ACACA: variants seen among roughly 807,000 people sequenced by gnomAD.
The protein encoded by ACACA is acetyl-CoA carboxylase 1.
ACACA carries 103 observed loss-of-function variants against 296.1 expected under a neutral mutation model. The observed-to-expected ratio is 0.35, with a 90% CI of 0.30 to 0.41. The LOEUF is 0.41. Among genes scored for constraint, ACACA ranks in the 10% least tolerant of loss-of-function variants. The pLI is 1.00. For missense variants in ACACA, 1,554 were observed against 2,989.7 expected, an observed-to-expected ratio of 0.52 and a Z score of 11.20; for synonymous variants, 953 against 1,038.6, an observed-to-expected ratio of 0.92 and a Z score of 1.58.
At chr17:37,185,309 T>G (rs188740307) in intron 39 of ACACA, among the ~76,000 whole-genome samples, 5 of 151,928 alleles carry the variant, frequency 3.3e-5, no homozygotes, top group Admixed American at 3.3e-4. Context: ...CATAGCTCAT[T>G]GCAGCCTCAA....
intron 1 of ACACA, among the ~76,000 whole-genome samples, chr17:37,347,955 T>G (rs1284973100): frequency 1.3e-5 from 2 of 152,048 alleles, no homozygotes; most frequent in South Asian, 2.1e-4. Context: ...GAGGATCACC[T>G]GAGGTCAGGA....
intron 50 of ACACA, among the ~76,000 whole-genome samples, chr17:37,116,133 C>T (rs1442534641): frequency 6.6e-6 from 1 of 152,194 alleles, no homozygotes; most frequent in Non-Finnish European, 1.5e-5. Context: ...ACTGAGACTA[C>T]AGGTGCGTGC....
intron 1 of ACACA, among the ~76,000 whole-genome samples, chr17:37,390,304 T>TATA (rs2050786450): frequency 5.6e-5 from 1 of 17,988 alleles, no homozygotes; most frequent in South Asian, 1.8e-3. Context: ...TTATACATAA[T>TATA]TATATATATA....
At chr17:37,343,859 G>A (rs192312044) in intron 1 of ACACA, among the ~76,000 whole-genome samples, 3 of 151,502 alleles carry the variant, frequency 2.0e-5, no homozygotes, top group Non-Finnish European at 4.4e-5. Context: ...TATTAATTCA[G>A]TGATTCATAA....
rs368681413 is a variant in ACACA at position 37,207,661 on chromosome 17, C to G, written c.3847G>C (p.Val1283Leu). The part of the protein sequence containing the change: ...MVSFRTFEDF[V>L]RIFDEVMGCF... ...CATAGTTCCACAATGTCTTACCTGACAAAATCTTCAAAAGTCCGAAAAGAG... is the reference window on the plus strand; with the variant it reads ...CATAGTTCCACAATGTCTTACCTGAGAAAATCTTCAAAAGTCCGAAAAGAG... The change falls in exon 31 of 56, where the codon GTC becomes CTC. Residue 1283 changes from valine (V) to leucine (L), a missense_variant. Transcript: ENST00000616317. 5 of 1,613,920 alleles carry G rather than the reference C, an allele frequency of 3.1e-6. No homozygotes were observed. The highest frequency in any genetic ancestry group is 4.2e-6 in the Non-Finnish European group (5 of 1,179,876).
chr17:37,177,486 A>C (rs2077164171), intron 41 of ACACA, among the ~76,000 whole-genome samples: 1 of 152,206 alleles, frequency 6.6e-6, no homozygotes, highest in South Asian at 2.1e-4. Flanking sequence ...GGGCAGAAAG[A>C]AAGCAGGAAA....
intron 54 of ACACA, among the ~76,000 whole-genome samples, chr17:37,090,559 C>T (rs1201211111): frequency 6.6e-6 from 1 of 152,192 alleles, no homozygotes; most frequent in African/African-American, 2.4e-5. Context: ...ACCCTCTCCT[C>T]TCTGTGCCTG....
chr17:37,188,942 TC>T (rs1179621055), intron 38 of ACACA, among the ~76,000 whole-genome samples: 2 of 152,236 alleles, frequency 1.3e-5, no homozygotes, highest in Non-Finnish European at 2.9e-5. Context: ...GAGCTTTTTT[TC>T]ATACAGTTTT....
intron 39 of ACACA, among the ~76,000 whole-genome samples, chr17:37,183,596 A>C (rs998359402): frequency 6.6e-6 from 1 of 151,998 alleles, no homozygotes; most frequent in Non-Finnish European, 1.5e-5. Flanking sequence ...TGGGAGGCCA[A>C]AGCAGGCAGA....
intron 25 of ACACA, among the ~76,000 whole-genome samples, chr17:37,229,336 C>T (rs537375257): frequency 3.3e-5 from 5 of 151,994 alleles, no homozygotes; most frequent in African/African-American, 1.2e-4. Context: ...CGGAGTCTCT[C>T]TCTGTTCCGC....
intron 8 of ACACA, 119 bp downstream of exon 8, chr17:37,275,832 A>G: frequency 1.2e-6 from 1 of 861,560 alleles, no homozygotes; most frequent in East Asian, 2.4e-5. Context: ...AGGTACCATT[A>G]ATCAACCAGT....
At chr17:37,334,114 C>G (rs1326012222) in intron 2 of ACACA, among the ~76,000 whole-genome samples, 1 of 151,906 alleles carries the variant, frequency 6.6e-6, no homozygotes, top group East Asian at 1.9e-4. Context: ...ACAAAACACT[C>G]AAATGACATC....
intron 42 of ACACA, among the ~76,000 whole-genome samples, chr17:37,157,690 A>C (rs1169737214): frequency 6.6e-6 from 1 of 151,788 alleles, no homozygotes; most frequent in Non-Finnish European, 1.5e-5. Flanking sequence ...CATCTGTCAC[A>C]ATGCCCAGCT....
At chr17:37,290,777 G>A (rs2083012024) in intron 3 of ACACA, among the ~76,000 whole-genome samples, 1 of 151,926 alleles carries the variant, frequency 6.6e-6, no homozygotes, top group South Asian at 2.1e-4. Context: ...AATTGTCTTG[G>A]GCCACGTATA....
chr17:37,126,132 G>A (rs1007283776), intron 47 of ACACA, among the ~76,000 whole-genome samples: 1 of 152,174 alleles, frequency 6.6e-6, no homozygotes, highest in East Asian at 1.9e-4. Flanking sequence ...TCAAAAGGCT[G>A]CCAAGTCATT....
intron 2 of ACACA, among the ~76,000 whole-genome samples, chr17:37,336,656 T>G (rs1330671303): frequency 6.6e-6 from 1 of 152,188 alleles, no homozygotes; most frequent in East Asian, 1.9e-4. Context: ...AGCTCTGTCT[T>G]CACTCTATTA....
chr17:37,150,100 A>T, intron 44 of ACACA, 126 bp from the exon 45 acceptor site: 1 of 816,504 alleles, frequency 1.2e-6, no homozygotes, highest in Non-Finnish European at 2.0e-6. Context: ...AGTCTATTTG[A>T]TTGACAACAA....
chr17:37,241,272 A>G lies in ACACA; in HGVS notation c.3032+681T>C, dbSNP rs140379215. Among the ~76,000 whole-genome samples, 13 of 152,282 alleles carry G rather than the reference A, an allele frequency of 8.5e-5. No individual in the cohort carries two copies. The East Asian group carries it at 2.5e-3, about 29-fold the overall frequency. ...TTTAGTATTAATAGCAACAACCACA[A>G]TTACTTTTGCACCAACCTAATATAA... On this transcript the variant is annotated intron_variant, in intron 23 of 55. Transcript: ENST00000616317.
chr17:37,257,433 A>AGCAATCAAT (rs1254785879), intron 14 of ACACA, among the ~76,000 whole-genome samples: 1 of 152,218 alleles, frequency 6.6e-6, no homozygotes, highest in Non-Finnish European at 1.5e-5. Flanking sequence ...ATACCTTTAA[A>AGCAATCAAT]GCAATCAATT....
Sources: gnomAD v4.1 joint callset for allele counts (sites outside exome capture counted in the v4.1 genomes callset) on GRCh38, gnomAD v4.1.1 for gene constraint, MANE v1.5 for transcripts, NCBI Gene and HGNC (gene_info 2026-07-23, HGNC 2026-07-21) for gene names.